The following TSC22D1 variants were observed in gnomAD, a reference collection of about 807,000 sequenced individuals.
TSC22D1 encodes the protein TSC22 domain family member 1, also known as TSC22 domain family protein 1.
A neutral mutation model predicts 74.2 loss-of-function variants in TSC22D1; 9 were observed. The ratio of observed to expected loss-of-function variants is 0.12; its 90% CI spans 0.07 to 0.21. The LOEUF (loss-of-function observed/expected upper bound fraction) is 0.21. Ranked by LOEUF, TSC22D1 falls within the 10% of genes least tolerant of loss-of-function variation. The pLI, the probability that TSC22D1 is intolerant of heterozygous loss-of-function variation, is 1.00. For missense variants in TSC22D1, 1,427 were observed against 1,304.7 expected (o/e 1.09, Z -1.44); for synonymous variants, 586 against 492.5 (o/e 1.19, Z -2.51).
At chr13:44,491,613 G>A (rs576884019) in intron 1 of TSC22D1, among the ~76,000 whole-genome samples, 82 of 151,224 alleles carry the variant, frequency 5.4e-4, no homozygotes, top group South Asian at 4.2e-4. Context: ...AAGAGCTTCC[G>A]TAAATAAGTA....
At chr13:44,555,584 C>T (rs115373270) in intron 1 of TSC22D1, among the ~76,000 whole-genome samples, 2,501 of 151,962 alleles carry the variant, frequency 0.016, 58 homozygotes, top group African/African-American at 0.056. Context: ...CCAACTTGGG[C>T]GACAGCAAAA....
chr13:44,461,687 G>A (rs1180569970), intron 1 of TSC22D1, among the ~76,000 whole-genome samples: 2 of 152,138 alleles, frequency 1.3e-5, no homozygotes, highest in Non-Finnish European at 2.9e-5. Context: ...TTACAGTATG[G>A]TGGGAAATTA....
chr13:44,488,340 C>T lies in TSC22D1; in HGVS notation c.2913-52245G>A, dbSNP rs73188772. Among the ~76,000 whole-genome samples, 518 of 152,124 alleles carry T rather than the reference C, an allele frequency of 3.4e-3. 2 individuals carry two copies. The highest frequency in any genetic ancestry group is 6.8e-3 in the Middle Eastern group (2 of 294). ...CAGCTTTTTAAGATTTAGTACCCCC[C>T]CAAAAGTAAAATATCTCATTAATTT... On this transcript the variant is annotated intron_variant, in intron 1 of 2. Coordinates refer to ENST00000458659, the MANE Select transcript of TSC22D1 (RefSeq NM_183422.4).
chr13:44,576,390 G>A (rs538364413), upstream of TSC22D1: 44 of 290,700 alleles, frequency 1.5e-4, no homozygotes, highest in African/African-American at 8.0e-4. Flanking sequence ...GGGCAGGAGG[G>A]AGGGGGAGAG....
intron 1 of TSC22D1, among the ~76,000 whole-genome samples, chr13:44,551,874 C>T (rs1258494535): frequency 1.3e-5 from 2 of 152,106 alleles, no homozygotes; most frequent in South Asian, 2.1e-4. Flanking sequence ...ACACTCTAGC[C>T]TGGGCAACAG....
intron 1 of TSC22D1, chr13:44,436,932 G>A: frequency 3.8e-6 from 4 of 1,041,944 alleles, no homozygotes; most frequent in Non-Finnish European, 4.6e-6. Context: ...CACTGGGACC[G>A]CCCCCTACTC....
chr13:44,516,692 A>G (rs1013773589), intron 1 of TSC22D1, among the ~76,000 whole-genome samples: 11 of 152,216 alleles, frequency 7.2e-5, no homozygotes, highest in African/African-American at 2.7e-4. Context: ...GTACCCCATC[A>G]AGAATCCATT....
intron 1 of TSC22D1, among the ~76,000 whole-genome samples, chr13:44,513,326 T>G (rs1879826086): frequency 6.6e-6 from 1 of 152,224 alleles, no homozygotes; most frequent in African/African-American, 2.4e-5. Context: ...TGACTAATAA[T>G]TGCCTCATGC....
At chr13:44,501,579 G>A (rs4942334) in intron 1 of TSC22D1, among the ~76,000 whole-genome samples, 72,426 of 151,270 alleles carry the variant, frequency 0.48, 17,481 homozygotes, top group Non-Finnish European at 0.52. Context: ...AGGGGGTAGC[G>A]TATTAGTAGG....
Position 44,574,223 on chromosome 13 carries a change from G to C in TSC22D1, c.1852C>G (p.Leu618Val), listed in dbSNP as rs1884016834. 3.7e-6 allele frequency: 6 copies of C among 1,614,250 alleles called. No individual in the cohort carries two copies. The highest frequency in any genetic ancestry group is 4.2e-6 in the Non-Finnish European group (5 of 1,180,042). The change falls in exon 1 of 3, where the codon CTT becomes GTT. Residue 618 changes from leucine (L) to valine (V), a missense_variant. This residue lies in a region of TSC22D1 where 1,343 missense variants were observed against 1,191.5 expected (regional missense o/e 1.13). Transcript: ENST00000458659. ...TGTTGGGGTGGTGGTGCCCCTGGAA[G>C]GGGAGTTTGCACTGGAGGAGCCGCC... ...SQAAPPVQTPLPGAPPPQQLQ... is the reference protein window; with the variant it reads ...SQAAPPVQTPVPGAPPPQQLQ...
In TSC22D1 at chr13:44,575,893, G is replaced by C. The variant is rs1466811342; in HGVS notation, c.182C>G (p.Pro61Arg). 11 of 1,613,964 alleles carry C rather than the reference G, an allele frequency of 6.8e-6. No individual in the cohort carries two copies. The highest frequency in any genetic ancestry group is 9.3e-6 in the Non-Finnish European group (11 of 1,179,994). The part of the protein sequence containing the change: ...NATSSEDFPP[P>R]SLLQPPPPAA... ...AGGGGGCGGCGGCTGAAGCAGCGAC[G>C]GAGGCGGAAAATCCTCGGAAGATGT... Residue 61 changes from proline to arginine, a missense_variant, in exon 1 of 3, where the codon CCG (proline) becomes CGG (arginine). Transcript: ENST00000458659.
rs762485832 is a variant in TSC22D1 at position 44,434,701 on chromosome 13, A to AG, written c.3146dup (p.Ala1050CysfsTer65). The stretch of plus-strand genomic sequence containing the variant: ...TGGTGCCCTGTGGCTGGGTGGTGGC[A>AG]GGGGGGGAGCCAGTCTGCAGCTGGG... On this transcript the variant is annotated frameshift_variant, in exon 3 of 3. Transcript: ENST00000458659. LOFTEE classifies it high-confidence loss of function. 1.3e-5 allele frequency: 21 copies of AG among 1,609,470 alleles called. No individual in the cohort carries two copies. The highest frequency in any genetic ancestry group is 8.5e-7 in the Non-Finnish European group (1 of 1,178,524).
intron 1 of TSC22D1, among the ~76,000 whole-genome samples, chr13:44,469,936 G>A (rs1877505663): frequency 6.6e-6 from 1 of 152,020 alleles, no homozygotes; most frequent in African/African-American, 2.4e-5. Flanking sequence ...TACCCCTTGA[G>A]GACTGAATTT....
At chr13:44,435,046 T>C (rs1000189789) in intron 2 of TSC22D1, 163 bp from the exon 3 acceptor site, 1 of 644,368 alleles carries the variant, frequency 1.6e-6, no homozygotes, top group Non-Finnish European at 2.7e-6. Flanking sequence ...AACATGACTG[T>C]ACAATACTTG....
intron 1 of TSC22D1, among the ~76,000 whole-genome samples, chr13:44,489,454 C>T (rs986571964): frequency 1.2e-4 from 18 of 151,594 alleles, no homozygotes; most frequent in Admixed American, 3.3e-4. Flanking sequence ...ATTTGTTAAA[C>T]ATCAAAGAGC....
At chr13:44,512,162 TTTG>T (rs1879754968) in intron 1 of TSC22D1, among the ~76,000 whole-genome samples, 1 of 151,946 alleles carries the variant, frequency 6.6e-6, no homozygotes, top group Admixed American at 6.6e-5. Context: ...TTTTTGTTTG[TTTG>T]TTTTCTTTTT....
At chr13:44,560,830 T>C (rs1190406563) in intron 1 of TSC22D1, among the ~76,000 whole-genome samples, 1 of 152,200 alleles carries the variant, frequency 6.6e-6, no homozygotes, top group Non-Finnish European at 1.5e-5. Flanking sequence ...CTAGCAAATA[T>C]TCAATATCCT....
At chr13:44,516,183 A>C (rs1434513455) in intron 1 of TSC22D1, among the ~76,000 whole-genome samples, 2 of 152,138 alleles carry the variant, frequency 1.3e-5, no homozygotes, top group African/African-American at 4.8e-5. Context: ...GACCTGCAGA[A>C]CTTTAGCACC....
chr13:44,572,804 A>G (rs1416661219), intron 1 of TSC22D1, among the ~76,000 whole-genome samples: 2 of 152,248 alleles, frequency 1.3e-5, no homozygotes, highest in Non-Finnish European at 1.5e-5. Flanking sequence ...CCAAGAGATT[A>G]TTTTAGCAGC....
Sources: gnomAD v4.1 joint callset for allele counts (sites outside exome capture counted in the v4.1 genomes callset) on GRCh38, gnomAD v4.1.1 for gene constraint, gnomAD v4.1.1 regional missense constraint, MANE v1.5 for transcripts, NCBI Gene and HGNC (gene_info 2026-07-23, HGNC 2026-07-21) for gene names.